Variants in ALDH18A1 observed in about 807,000 individuals in gnomAD.
The protein encoded by ALDH18A1 is delta-1-pyrroline-5-carboxylate synthase.
Under a neutral mutation model 88.8 loss-of-function variants are expected in ALDH18A1, and 44 were observed. The observed-to-expected ratio is 0.50, with a 90% CI of 0.39 to 0.64. The LOEUF (loss-of-function observed/expected upper bound fraction) is 0.64, where lower values mean the gene tolerates loss of function less well. Among genes scored for constraint, ALDH18A1 ranks in the 30% least tolerant of loss-of-function variants. The pLI is 0.00. For missense variants in ALDH18A1, 782 were observed against 1,009.5 expected, an observed-to-expected ratio of 0.77 and a Z score of 3.05; for synonymous variants, 331 against 372.1, an observed-to-expected ratio of 0.89 and a Z score of 1.27.
rs530007457 is a variant in ALDH18A1 at position 95,647,853 on chromosome 10, G to A, written c.89-4647C>T. Among the ~76,000 whole-genome samples the A allele has an allele frequency of 2.6e-4, 40 of 152,348 alleles. 1 individual carries two copies. In the South Asian group the frequency reaches 8.3e-3, roughly 32 times the overall value. ...TAAGAGGTCCAAGGGGACAAGGTTC[G>A]GAGAGCTTCCAGATGGCTGAACATG... On this transcript the variant is annotated intron_variant, in intron 2 of 17. Transcript: ENST00000371224.
intron 2 of ALDH18A1, among the ~76,000 whole-genome samples, chr10:95,644,939 GCCTAC>G (rs1178647540): frequency 1.8e-4 from 28 of 152,230 alleles, no homozygotes; most frequent in Admixed American, 1.5e-3. Context: ...GCCCTGGACT[GCCTAC>G]CTTCTTGCAG....
chr10:95,614,770 T>A (rs1240544277), intron 13 of ALDH18A1, among the ~76,000 whole-genome samples: 1 of 152,192 alleles, frequency 6.6e-6, no homozygotes, highest in East Asian at 1.9e-4. Flanking sequence ...CACATGGTCA[T>A]ATTACTTTTA....
chr10:95,609,769 A>ACTTTTTTTTTTTT (rs2097829713), intron 17 of ALDH18A1, among the ~76,000 whole-genome samples: 1 of 114,266 alleles, frequency 8.8e-6, no homozygotes, highest in Non-Finnish European at 1.7e-5. Flanking sequence ...GTCTGTCTCT[A>ACTTTTTTTTTTTT]TTTTTTTTTT....
chr10:95,618,458 C>G (rs1286534263), intron 12 of ALDH18A1, among the ~76,000 whole-genome samples: 1 of 152,144 alleles, frequency 6.6e-6, no homozygotes, highest in Non-Finnish European at 1.5e-5. Context: ...GTAGCTGGGA[C>G]TACAGGTCCC....
chr10:95,643,351 CA>C (rs2097895502), intron 2 of ALDH18A1, 145 bp from the exon 3 acceptor site: 3 of 853,206 alleles, frequency 3.5e-6, no homozygotes, highest in Non-Finnish European at 5.6e-6. Flanking sequence ...CACAGTGTAT[CA>C]AAAGCTCTAT....
chr10:95,621,954 A>T (rs1400561368), intron 11 of ALDH18A1, among the ~76,000 whole-genome samples: 1 of 152,210 alleles, frequency 6.6e-6, no homozygotes, highest in African/African-American at 2.4e-5. Flanking sequence ...TCTAGGATAT[A>T]GTCTACGAAA....
chr10:95,645,527 A>G (rs2097899866), intron 2 of ALDH18A1, among the ~76,000 whole-genome samples: 1 of 152,162 alleles, frequency 6.6e-6, no homozygotes, highest in Non-Finnish European at 1.5e-5. Flanking sequence ...ATTCTCATGA[A>G]TGGGAAGGCG....
intron 3 of ALDH18A1, among the ~76,000 whole-genome samples, chr10:95,640,364 G>C (rs932278299): frequency 7.0e-6 from 1 of 143,540 alleles, no homozygotes; most frequent in Non-Finnish European, 1.5e-5. Flanking sequence ...TTTTTTTTGA[G>C]ACTGAGTCTC....
At chr10:95,617,241 C>T (rs1258521320) in intron 12 of ALDH18A1, among the ~76,000 whole-genome samples, 2 of 152,208 alleles carry the variant, frequency 1.3e-5, no homozygotes, top group Non-Finnish European at 2.9e-5. Flanking sequence ...AGTGAGACTC[C>T]GTCGCAAACA....
chr10:95,623,090 G>GA (rs1196463141), intron 11 of ALDH18A1, among the ~76,000 whole-genome samples: 2 of 147,486 alleles, frequency 1.4e-5, no homozygotes, highest in Admixed American at 6.8e-5. Flanking sequence ...CTTATATTAA[G>GA]AAAAAAAAAT....
chr10:95,630,343 G>A (rs575053311), intron 7 of ALDH18A1, among the ~76,000 whole-genome samples: 2 of 152,166 alleles, frequency 1.3e-5, no homozygotes, highest in Non-Finnish European at 2.9e-5. Context: ...ACTTTGTAGG[G>A]TTGCTATAAA....
At chr10:95,648,976 T>A (rs1455137786) in intron 2 of ALDH18A1, among the ~76,000 whole-genome samples, 1 of 152,220 alleles carries the variant, frequency 6.6e-6, no homozygotes, top group Non-Finnish European at 1.5e-5. Flanking sequence ...CTTTCAGCCC[T>A]TATACTCTAC....
chr10:95,615,353 A>AT (rs1169980413), intron 13 of ALDH18A1, among the ~76,000 whole-genome samples: 1 of 147,588 alleles, frequency 6.8e-6, no homozygotes, highest in Non-Finnish European at 1.5e-5. Flanking sequence ...AAAAAAAAAA[A>AT]GGCAAAAGTA....
chr10:95,606,744 G>T lies in ALDH18A1; in HGVS notation c.*18C>A. 1.2e-6 allele frequency: 2 copies of T among 1,614,046 alleles called. No individual in the cohort carries two copies. Among genetic ancestry groups the T allele is most frequent in the South Asian group, 2.2e-5 (2 of 91,066 alleles). ...CGTGAAGACCTTTTGGAAAATTCCC[G>T]GGTTTTCCTGGCTCTTTTCAGTTGG... On this transcript the variant is annotated 3_prime_UTR_variant, in exon 18 of 18. Transcript: ENST00000371224.
intron 1 of ALDH18A1, chr10:95,656,365 T>G (rs1187008693): frequency 6.6e-6 from 1 of 152,490 alleles, no homozygotes; most frequent in Non-Finnish European, 1.5e-5. Context: ...CGCACCGGCA[T>G]ATGGGAGCGC....
chr10:95,645,926 T>G (rs2097900615), intron 2 of ALDH18A1, among the ~76,000 whole-genome samples: 1 of 152,208 alleles, frequency 6.6e-6, no homozygotes, highest in African/African-American at 2.4e-5. Context: ...CTACTCTGCT[T>G]TCAGGAATAT....
At chr10:95,633,182 G>A (rs563765526) in intron 6 of ALDH18A1, 133 bp from the exon 7 acceptor site, 1 of 822,302 alleles carries the variant, frequency 1.2e-6, no homozygotes, top group African/African-American at 1.7e-5. Context: ...ATATGTAGAT[G>A]ACGGCTCTTG....
chr10:95,641,932 A>G (rs1239410609), intron 3 of ALDH18A1, among the ~76,000 whole-genome samples: 2 of 152,054 alleles, frequency 1.3e-5, no homozygotes, highest in Non-Finnish European at 2.9e-5. Flanking sequence ...GCAAGTCACC[A>G]CACCCAACCG....
At chr10:95,623,570 G>A (rs1262083422) in intron 11 of ALDH18A1, among the ~76,000 whole-genome samples, 1 of 151,094 alleles carries the variant, frequency 6.6e-6, no homozygotes, top group Non-Finnish European at 1.5e-5. Context: ...ACCACGGCCG[G>A]CTTTTTTTTT....
Sources: gnomAD v4.1 joint callset for allele counts (sites outside exome capture counted in the v4.1 genomes callset) on GRCh38, gnomAD v4.1.1 for gene constraint, MANE v1.5 for transcripts, NCBI Gene and HGNC (gene_info 2026-07-23, HGNC 2026-07-21) for gene names.